The following ANKRD6 variants were observed in gnomAD, a reference collection of about 807,000 sequenced individuals.
The protein encoded by ANKRD6 is ankyrin repeat domain 6, also known as ankyrin repeat domain-containing protein 6.
ANKRD6 carries 56 observed loss-of-function variants against 82.3 expected under a neutral mutation model. That is an observed-to-expected ratio of 0.68 (90% CI 0.55 to 0.85). The LOEUF (loss-of-function observed/expected upper bound fraction) is 0.85, where lower values mean the gene tolerates loss of function less well. ANKRD6 is among the 40% of genes least tolerant of loss of function. The pLI, the probability that ANKRD6 is intolerant of heterozygous loss-of-function variation, is 0.00. For missense variants in ANKRD6, 852 were observed against 907.6 expected (o/e 0.94, Z 0.79); for synonymous variants, 347 against 352.1 (o/e 0.99, Z 0.16).
Position 89,583,182 on chromosome 6 carries a change from G to T in ANKRD6, c.121-12734G>T, listed in dbSNP as rs545726855. ...CCCCTGAGGTTTCAGAGCCTTCCAT[G>T]CAGGGCAGGACAACACTGTCCATTG... On this transcript the variant is annotated intron_variant, in intron 2 of 15. Transcript: ENST00000339746. Among the ~76,000 whole-genome samples, 7 of 152,304 alleles carry T rather than the reference G, an allele frequency of 4.6e-5. No individual in the cohort carries two copies. The South Asian group carries it at 1.4e-3, about 32-fold the overall frequency.
At chr6:89,558,023 G>A (rs1211877273) in intron 1 of ANKRD6, among the ~76,000 whole-genome samples, 2 of 152,102 alleles carry the variant, frequency 1.3e-5, no homozygotes, top group African/African-American at 2.4e-5. Flanking sequence ...GAAATAAAGT[G>A]TACCATAAAT....
intron 2 of ANKRD6, among the ~76,000 whole-genome samples, chr6:89,567,672 G>A (rs1255212878): frequency 1.3e-5 from 2 of 152,228 alleles, no homozygotes; most frequent in Non-Finnish European, 2.9e-5. Context: ...CCAAGAAAAG[G>A]CAGGCTCCGC....
intron 1 of ANKRD6, among the ~76,000 whole-genome samples, chr6:89,525,964 A>G (rs1160249833): frequency 6.6e-6 from 1 of 152,202 alleles, no homozygotes; most frequent in Non-Finnish European, 1.5e-5. Flanking sequence ...TAGGAAGACA[A>G]TTTGTCTGAC....
At chr6:89,479,215 G>A (rs1776475163) in intron 1 of ANKRD6, among the ~76,000 whole-genome samples, 2 of 152,146 alleles carry the variant, frequency 1.3e-5, no homozygotes, top group African/African-American at 4.8e-5. Flanking sequence ...AAGATTTCCC[G>A]GGGATGTATC....
chr6:89,482,603 A>G (rs1430472270), intron 1 of ANKRD6, among the ~76,000 whole-genome samples: 2 of 152,148 alleles, frequency 1.3e-5, no homozygotes, highest in South Asian at 2.1e-4. Flanking sequence ...CCTGCAGGAA[A>G]GGCCCCTTGC....
intron 1 of ANKRD6, among the ~76,000 whole-genome samples, chr6:89,442,665 A>G (rs1239785100): frequency 2.0e-5 from 3 of 151,164 alleles, no homozygotes; most frequent in Admixed American, 1.3e-4. Context: ...AAAGACAGCA[A>G]TCATTATCTG....
At chr6:89,519,379 T>C (rs1781621592) in intron 1 of ANKRD6, among the ~76,000 whole-genome samples, 1 of 152,178 alleles carries the variant, frequency 6.6e-6, no homozygotes, top group African/African-American at 2.4e-5. Flanking sequence ...TATAGATGGA[T>C]GGGAGAGAGA....
At chr6:89,577,415 A>C (rs1164346331) in intron 2 of ANKRD6, among the ~76,000 whole-genome samples, 1 of 152,196 alleles carries the variant, frequency 6.6e-6, no homozygotes, top group Non-Finnish European at 1.5e-5. Flanking sequence ...TTATAAATGA[A>C]CATATTCTCT....
At chr6:89,543,702 G>A (rs1046567062) in intron 1 of ANKRD6, among the ~76,000 whole-genome samples, 1 of 152,196 alleles carries the variant, frequency 6.6e-6, no homozygotes, top group African/African-American at 2.4e-5. Flanking sequence ...TCCTCAGACA[G>A]TAGACTCTGA....
At chr6:89,598,205 A>G in intron 3 of ANKRD6, 1 of 985,426 alleles carries the variant, frequency 1.0e-6, no homozygotes, top group Non-Finnish European at 1.2e-6. Context: ...TCTTTAGATT[A>G]TGCAACTCCA....
At chr6:89,559,044 G>A (rs1408685077) in intron 1 of ANKRD6, among the ~76,000 whole-genome samples, 1 of 152,122 alleles carries the variant, frequency 6.6e-6, no homozygotes, top group East Asian at 1.9e-4. Flanking sequence ...GTATGCTTGT[G>A]TTACAAGTAG....
At chr6:89,576,152 C>T (rs1226019046) in intron 2 of ANKRD6, among the ~76,000 whole-genome samples, 1 of 151,948 alleles carries the variant, frequency 6.6e-6, no homozygotes, top group Admixed American at 6.5e-5. Context: ...TCTGGGTTCA[C>T]TCCATTCTCC....
intron 1 of ANKRD6, among the ~76,000 whole-genome samples, chr6:89,501,292 A>G (rs1366432665): frequency 3.9e-5 from 6 of 152,204 alleles, no homozygotes; most frequent in Admixed American, 6.5e-5. Flanking sequence ...CATGCTTATG[A>G]AAAAACACAA....
chr6:89,547,833 ATG>A (rs1416890768), intron 1 of ANKRD6, among the ~76,000 whole-genome samples: 2 of 152,256 alleles, frequency 1.3e-5, no homozygotes, highest in Admixed American at 6.5e-5. Context: ...GGCATTTCCT[ATG>A]TTCATCACTG....
intron 1 of ANKRD6, among the ~76,000 whole-genome samples, chr6:89,471,054 TGCACA>T (rs1775390721): frequency 1.3e-5 from 2 of 152,030 alleles, no homozygotes; most frequent in Admixed American, 1.3e-4. Flanking sequence ...TGTGTGCACG[TGCACA>T]CACTTATGTG....
At position 89,631,665 on chromosome 6, in the gene ANKRD6, T is replaced by A. The variant is rs1310820047; in HGVS notation, c.*661T>A. ...AATTGGCTAACAGCTCTGGAAACAA[T>A]GAGATCAAATGAGAAAGATTCAAAT... is the stretch of plus-strand genomic sequence containing the variant. On this transcript the variant is annotated 3_prime_UTR_variant, in exon 16 of 16. Coordinates refer to ENST00000339746, the MANE Select transcript of ANKRD6 (RefSeq NM_001242809.2). 1 of 152,188 alleles carries A rather than the reference T, an allele frequency of 6.6e-6. No homozygotes were observed. Among genetic ancestry groups the A allele is most frequent in the African/African-American group, 2.4e-5 (1 of 41,448 alleles). 9.4% of individuals were successfully genotyped at this position (152,188 alleles called of 1,614,324 possible). A position where few individuals can be genotyped will look rare whatever the true frequency, so the allele number is the denominator to read the frequency against.
chr6:89,437,279 C>T lies in ANKRD6; in HGVS notation c.-144+3904C>T, dbSNP rs1166558270. The stretch of plus-strand genomic sequence containing the variant: ...TGACATATCTTTCCCCCACCAGTTA[C>T]AAGAGGCTTTCTTTCTGCTCAGACC... On this transcript the variant is annotated intron_variant, in intron 1 of 15. Coordinates refer to ENST00000339746, the MANE Select transcript of ANKRD6 (RefSeq NM_001242809.2). Among the ~76,000 whole-genome samples, 3 of 152,094 alleles carry T rather than the reference C, an allele frequency of 2.0e-5. No individual in the cohort carries two copies. In the East Asian group the frequency reaches 5.8e-4, roughly 29 times the overall value.
intron 1 of ANKRD6, among the ~76,000 whole-genome samples, chr6:89,515,956 C>A (rs1781162487): frequency 6.6e-6 from 1 of 152,228 alleles, no homozygotes; most frequent in Non-Finnish European, 1.5e-5. Flanking sequence ...CAAGGACCAT[C>A]TGCAGCCACA....
intron 1 of ANKRD6, among the ~76,000 whole-genome samples, chr6:89,486,618 A>C (rs1023530886): frequency 1.3e-5 from 2 of 152,206 alleles, no homozygotes; most frequent in Admixed American, 6.5e-5. Context: ...GTTCTTTTAA[A>C]AATTTTTTAA....
Sources: allele counts gnomAD v4.1 joint callset (sites outside exome capture counted in the v4.1 genomes callset), GRCh38; gene constraint gnomAD v4.1.1; transcripts MANE v1.5; gene names NCBI Gene and HGNC (gene_info 2026-07-23, HGNC 2026-07-21).